The following PPARA variants were observed in gnomAD, a reference collection of about 807,000 sequenced individuals.
The protein encoded by PPARA is peroxisome proliferator-activated receptor alpha.
A neutral mutation model predicts 42.2 loss-of-function variants in PPARA; 22 were observed. That is an observed-to-expected ratio of 0.52 (90% CI 0.37 to 0.74). The LOEUF (loss-of-function observed/expected upper bound fraction) is 0.74. Ranked by LOEUF, PPARA falls within the 30% of genes least tolerant of loss-of-function variation. PPARA has a pLI of 0.00. For synonymous variants in PPARA, 242 were observed against 239.3 expected (o/e 1.01, Z -0.10); for missense variants, 465 against 608.2 (o/e 0.76, Z 2.48).
rs1254082310 is a variant in PPARA, at chr22:46,203,597, G to A, written c.208+5006G>A. 2.6e-5 allele frequency among the ~76,000 whole-genome samples: 4 copies of A among 152,292 alleles called. No homozygotes were observed. The highest frequency in any genetic ancestry group is 2.1e-4 in the South Asian group (1 of 4,822). ...CAGGAAAAATTAGGCACGTGGACACGTTGAAGGGTGAGGAGAGCAGTATTG... is the reference window on the plus strand; with the variant it reads ...CAGGAAAAATTAGGCACGTGGACACATTGAAGGGTGAGGAGAGCAGTATTG... On this transcript the variant is annotated intron_variant, in intron 4 of 8. Coordinates refer to ENST00000407236, the MANE Select transcript of PPARA (RefSeq NM_005036.6). The surrounding 1 kb of genome is among the most constrained non-coding windows in gnomAD (Gnocchi z 5.8).
rs1189118634 is a variant in PPARA at position 46,182,353 on chromosome 22, A to G, written c.-43+5517A>G. Among the ~76,000 whole-genome samples, 1 of 152,272 alleles carries G rather than the reference A, an allele frequency of 6.6e-6. No homozygotes were observed. Among genetic ancestry groups the G allele is most frequent in the East Asian group, 1.9e-4 (1 of 5,206 alleles). ...ATATTCTCAAACTGTGGTTATCCAT[A>G]CAATGGAGTATTACTTTGCAATCAA... On this transcript the variant is annotated intron_variant, in intron 3 of 8. Transcript: ENST00000407236. The surrounding 1 kb of genome is among the most constrained non-coding windows in gnomAD (Gnocchi z 5.2).
intron 4 of PPARA, among the ~76,000 whole-genome samples, chr22:46,213,852 G>C (rs1301681743): frequency 6.6e-6 from 1 of 152,210 alleles, no homozygotes; most frequent in Non-Finnish European, 1.5e-5. Context: ...GCCTCCCAAA[G>C]TGCTGGGATT....
At chr22:46,153,859 C>T (rs183443023) in intron 2 of PPARA, among the ~76,000 whole-genome samples, 246 of 134,738 alleles carry the variant, frequency 1.8e-3, no homozygotes, top group Non-Finnish European at 2.8e-3. Context: ...ACTCCGTTTC[C>T]AAAAAAAAAA....
In PPARA at chr22:46,233,094, TTATA is replaced by T. The variant is rs1303859030; in HGVS notation, c.1159+858_1159+861del. Among the ~76,000 whole-genome samples the T allele has an allele frequency of 3.3e-5, 5 of 151,698 alleles. No homozygotes were observed. The highest frequency in any genetic ancestry group is 1.2e-4 in the African/African-American group (5 of 41,292). On this transcript the variant is annotated intron_variant, in intron 8 of 8. Coordinates refer to ENST00000407236, the MANE Select transcript of PPARA (RefSeq NM_005036.6). The surrounding 1 kb of genome is among the most constrained non-coding windows in gnomAD (Gnocchi z 7.3). ...ATATATTATGATATTCCTGTATATA[TTATA>T]TAATGATGTTGTATTCATATTATAG...
intron 4 of PPARA, among the ~76,000 whole-genome samples, chr22:46,207,664 TATTA>T (rs1321634188): frequency 9.4e-5 from 11 of 117,394 alleles, no homozygotes; most frequent in African/African-American, 4.4e-4. Context: ...TTATTATTAT[TATTA>T]TTATTATTAT....
chr22:46,181,227 G>A lies in PPARA; in HGVS notation c.-43+4391G>A, dbSNP rs540638022. ...TGACTAAGGATCGGGAACTGGGAGC[G>A]GGGAGGTGTGTGAAAGAGATGGTTC... On this transcript the variant is annotated intron_variant, in intron 3 of 8. Coordinates refer to ENST00000407236, the MANE Select transcript of PPARA (RefSeq NM_005036.6). Among the ~76,000 whole-genome samples the A allele has an allele frequency of 2.1e-4, 32 of 152,268 alleles. 1 individual carries two copies. The South Asian group carries it at 5.6e-3, about 27-fold the overall frequency.
rs1935852511 is a variant in PPARA at position 46,231,296 on chromosome 22, G to A, written c.712-496G>A. Among the ~76,000 whole-genome samples, 1 of 151,310 alleles carries A rather than the reference G, an allele frequency of 6.6e-6. No homozygotes were observed. Among genetic ancestry groups the A allele is most frequent in the African/African-American group, 2.4e-5 (1 of 41,070 alleles). On this transcript the variant is annotated intron_variant, in intron 7 of 8. Coordinates refer to ENST00000407236, the MANE Select transcript of PPARA (RefSeq NM_005036.6). The surrounding 1 kb of genome is among the most constrained non-coding windows in gnomAD (Gnocchi z 7.7). ...TGCAGTGGCGCAATGTCGGCTCACT[G>A]CAAGCTCTGCCTCCTGGGTTCACGC...
intron 3 of PPARA, among the ~76,000 whole-genome samples, chr22:46,177,054 CA>C (rs540871810): frequency 1.3e-4 from 19 of 151,968 alleles, no homozygotes; most frequent in African/African-American, 2.7e-4. Context: ...ACTACAAATA[CA>C]AAAAAATTAG....
At chr22:46,153,935 A>G (rs915367342) in intron 2 of PPARA, among the ~76,000 whole-genome samples, 1 of 152,182 alleles carries the variant, frequency 6.6e-6, no homozygotes, top group African/African-American at 2.4e-5. Context: ...TTTATACACT[A>G]TTTTGTAACT....
At chr22:46,210,873 G>C (rs1362174733) in intron 4 of PPARA, among the ~76,000 whole-genome samples, 1 of 152,138 alleles carries the variant, frequency 6.6e-6, no homozygotes, top group Non-Finnish European at 1.5e-5. Context: ...GATCCTTTCA[G>C]GTCCTGTTTC....
chr22:46,232,637 A>C lies in PPARA; in HGVS notation c.1159+398A>C, dbSNP rs1027280809. Among the ~76,000 whole-genome samples, 1 of 151,542 alleles carries C rather than the reference A, an allele frequency of 6.6e-6. No homozygotes were observed. Among genetic ancestry groups the C allele is most frequent in the African/African-American group, 2.4e-5 (1 of 41,266 alleles). ...CACTGCACTCTAGCCTGGGCAACAG[A>C]ACAAGACCTATTTCTTTAAAAAAAA... is the stretch of plus-strand genomic sequence containing the variant. On this transcript the variant is annotated intron_variant, in intron 8 of 8. Coordinates refer to ENST00000407236, the MANE Select transcript of PPARA (RefSeq NM_005036.6). The surrounding 1 kb of genome is among the most constrained non-coding windows in gnomAD (Gnocchi z 5.3).
At chr22:46,210,808 A>G (rs1199509934) in intron 4 of PPARA, among the ~76,000 whole-genome samples, 3 of 152,194 alleles carry the variant, frequency 2.0e-5, no homozygotes, top group South Asian at 4.1e-4. Context: ...TTGATTTCCT[A>G]TAAATATTCT....
At chr22:46,206,948 C>T (rs1031662083) in intron 4 of PPARA, among the ~76,000 whole-genome samples, 2 of 152,106 alleles carry the variant, frequency 1.3e-5, no homozygotes, top group African/African-American at 4.8e-5. Flanking sequence ...AAGGGCCGGG[C>T]ACAGTGGTTC....
intron 2 of PPARA, among the ~76,000 whole-genome samples, chr22:46,152,804 A>C (rs1370049609): frequency 6.6e-6 from 1 of 152,172 alleles, no homozygotes; most frequent in African/African-American, 2.4e-5. Context: ...CTAATTGGCA[A>C]GTTGGGTGCG....
At position 46,234,011 on chromosome 22, in the gene PPARA, A is replaced by G. The variant is rs1165624736; in HGVS notation, c.1160-1122A>G. Among the ~76,000 whole-genome samples the G allele has an allele frequency of 2.6e-5, 4 of 152,080 alleles. No homozygotes were observed. Among genetic ancestry groups the G allele is most frequent in the African/African-American group, 9.7e-5 (4 of 41,414 alleles). ...GCTAATTTTTGTATTTTTAGTAAAGATGGGGTTTCACCATATTGGCCAGGC... is the reference window on the plus strand; with the variant it reads ...GCTAATTTTTGTATTTTTAGTAAAGGTGGGGTTTCACCATATTGGCCAGGC... On this transcript the variant is annotated intron_variant, in intron 8 of 8. Transcript: ENST00000407236. The surrounding 1 kb of genome is among the most constrained non-coding windows in gnomAD (Gnocchi z 5.8).
At chr22:46,207,414 T>C (rs985952440) in intron 4 of PPARA, among the ~76,000 whole-genome samples, 1 of 149,488 alleles carries the variant, frequency 6.7e-6, no homozygotes, top group Non-Finnish European at 1.5e-5. Context: ...CCCAAGTAGC[T>C]GAGATTACAG....
In PPARA at chr22:46,188,564, C is replaced by A. The variant is rs185930646; in HGVS notation, c.-42-9778C>A. Among the ~76,000 whole-genome samples, 1 of 152,322 alleles carries A rather than the reference C, an allele frequency of 6.6e-6. No homozygotes were observed. The highest frequency in any genetic ancestry group is 2.4e-5 in the African/African-American group (1 of 41,576). ...TGGGCAAGTTACTCACTTCTCTCAA[C>A]CTCTGCATTTTTCTTCTTTATAAAT... On this transcript the variant is annotated intron_variant, in intron 3 of 8. Coordinates refer to ENST00000407236, the MANE Select transcript of PPARA (RefSeq NM_005036.6). This position sits in a 1 kb window ranked among gnomAD's most constrained non-coding sequence, Gnocchi z 5.0.
At chr22:46,201,641 A>C (rs984081599) in intron 4 of PPARA, among the ~76,000 whole-genome samples, 3 of 152,080 alleles carry the variant, frequency 2.0e-5, no homozygotes, top group Non-Finnish European at 1.5e-5. Context: ...CACACACCTC[A>C]CACCTCGGCT....
In PPARA at chr22:46,219,330, C is replaced by G. The variant is rs535498283; in HGVS notation, c.509-482C>G. On this transcript the variant is annotated intron_variant, in intron 6 of 8. Transcript: ENST00000407236. This position sits in a 1 kb window ranked among gnomAD's most constrained non-coding sequence, Gnocchi z 4.8. ...CTCGTCCATAGGAAGGGTGTACCAC[C>G]TCAAACATCTCACCACGTTATGAAT... 6.6e-6 allele frequency among the ~76,000 whole-genome samples: 1 copy of G among 152,166 alleles called. No individual in the cohort carries two copies. The highest frequency in any genetic ancestry group is 1.5e-5 in the Non-Finnish European group (1 of 68,032).
Sources: gnomAD v4.1 joint callset for allele counts (sites outside exome capture counted in the v4.1 genomes callset) on GRCh38, gnomAD v4.1.1 for gene constraint, Gnocchi (gnomAD v3.1) non-coding constraint, MANE v1.5 for transcripts, NCBI Gene and HGNC (gene_info 2026-07-23, HGNC 2026-07-21) for gene names.